The following USP22 variants were observed in gnomAD, a reference collection of about 807,000 sequenced individuals.
USP22 encodes ubiquitin specific peptidase 22, also known as ubiquitin carboxyl-terminal hydrolase 22.
USP22 carries 22 observed loss-of-function variants against 68.1 expected under a neutral mutation model. The observed-to-expected ratio is 0.32, with a 90% CI of 0.23 to 0.46. The LOEUF is 0.46. Ranked by LOEUF, USP22 falls within the 20% of genes least tolerant of loss-of-function variation. The pLI is 1.00. For missense variants in USP22, 433 were observed against 695.8 expected (o/e 0.62, Z 4.25); for synonymous variants, 279 against 274.2 (o/e 1.02, Z -0.17).
intron 8 of USP22, among the ~76,000 whole-genome samples, chr17:21,009,684 C>G (rs1322988805): frequency 1.4e-5 from 2 of 141,408 alleles, no homozygotes; most frequent in African/African-American, 5.0e-5. Flanking sequence ...GCCGGGCATG[C>G]TGGCTCACAC....
At chr17:21,040,556 G>A (rs12946114) in intron 1 of USP22, among the ~76,000 whole-genome samples, 86,846 of 151,992 alleles carry the variant, frequency 0.57, 25,217 homozygotes, top group Middle Eastern at 0.62. Flanking sequence ...TTGAAACTAA[G>A]CAACTGACAT....
chr17:21,015,924 C>G (rs1443674575), intron 5 of USP22, 25 bp from the exon 6 acceptor site: 1 of 1,611,606 alleles, frequency 6.2e-7, no homozygotes, highest in East Asian at 2.2e-5. Flanking sequence ...GGAAGGAAAC[C>G]TTGTCAGGAA....
chr17:21,036,523 G>T (rs972884334), intron 1 of USP22, among the ~76,000 whole-genome samples: 7 of 143,946 alleles, frequency 4.9e-5, no homozygotes, highest in African/African-American at 7.6e-5. Context: ...TACTGTAAGG[G>T]GGGGGGGGGT....
In USP22 at chr17:21,002,870, C is replaced by T; in HGVS notation, c.*161G>A. ...CCCCGTCCGTGTGGTCCATCCCGAC[C>T]CGATGGGTCCCAGGTGCAGAGGGGC... On this transcript the variant is annotated 3_prime_UTR_variant, in exon 13 of 13. Coordinates refer to ENST00000261497, the MANE Select transcript of USP22 (RefSeq NM_015276.2). 1.2e-6 allele frequency: 1 copy of T among 840,872 alleles called. No individual in the cohort carries two copies. The highest frequency in any genetic ancestry group is 1.9e-6 in the Non-Finnish European group (1 of 513,982). The allele number at this position is 840,872 out of a possible 1,614,324, so 52.1% of individuals were successfully genotyped here. A position where few individuals can be genotyped will look rare whatever the true frequency, so the allele number is the denominator to read the frequency against.
At chr17:21,021,465 T>C (rs902133402) in intron 2 of USP22, among the ~76,000 whole-genome samples, 31 of 152,146 alleles carry the variant, frequency 2.0e-4, no homozygotes, top group African/African-American at 7.0e-4. Context: ...AGGCGACCCA[T>C]ACATACTTTT....
Position 21,019,068 on chromosome 17 carries a change from G to T in USP22, c.520+16C>A. The stretch of plus-strand genomic sequence containing the variant: ...GGAAAGAAGCCTAGCTGAGAGTGAC[G>T]ACACGCTCCACCCACCTATGGTGCA... On this transcript the variant is annotated intron_variant, in intron 4 of 12. Transcript: ENST00000261497. 6.2e-7 allele frequency: 1 copy of T among 1,612,972 alleles called. No individual in the cohort carries two copies. Among genetic ancestry groups the T allele is most frequent in the South Asian group, 1.1e-5 (1 of 90,988 alleles).
chr17:21,004,054 T>C, intron 12 of USP22, 148 bp downstream of exon 12: 1 of 1,154,626 alleles, frequency 8.7e-7, no homozygotes, highest in Non-Finnish European at 1.2e-6. Context: ...GAGGCTGGCA[T>C]CCTATCCAGA....
chr17:21,023,996 A>C (rs1597696815), intron 2 of USP22, among the ~76,000 whole-genome samples: 2 of 152,350 alleles, frequency 1.3e-5, no homozygotes, highest in East Asian at 3.9e-4. Flanking sequence ...TATTGTGGTA[A>C]ATCTTTGAAG....
At chr17:21,031,327 A>G (rs956576546) in intron 1 of USP22, among the ~76,000 whole-genome samples, 1 of 152,246 alleles carries the variant, frequency 6.6e-6, no homozygotes, top group African/African-American at 2.4e-5. Flanking sequence ...TAAAGTACAC[A>G]GCAATGAAAA....
chr17:21,024,763 T>C (rs978867437), intron 2 of USP22, among the ~76,000 whole-genome samples: 1 of 152,014 alleles, frequency 6.6e-6, no homozygotes, highest in African/African-American at 2.4e-5. Flanking sequence ...AGCCCAGAGT[T>C]CAAGATAAGC....
rs1424047308 is a variant in USP22, at chr17:21,002,284, G to A, written c.*747C>T. The A allele has an allele frequency of 2.0e-5, 3 of 152,200 alleles. No homozygotes were observed. Among genetic ancestry groups the A allele is most frequent in the African/African-American group, 7.2e-5 (3 of 41,440 alleles). 9.4% of individuals were successfully genotyped at this position (152,200 alleles called of 1,614,324 possible). On this transcript the variant is annotated 3_prime_UTR_variant, in exon 13 of 13. Coordinates refer to ENST00000261497, the MANE Select transcript of USP22 (RefSeq NM_015276.2). ...AAGACTCGCTCTTGAGACTAAAGGA[G>A]AAGTTACCTAAATTTCTGTATAAAC...
chr17:21,012,470 G>A (rs1914000069), intron 7 of USP22, among the ~76,000 whole-genome samples: 1 of 152,090 alleles, frequency 6.6e-6, no homozygotes. Flanking sequence ...GAAGCACGTA[G>A]AAAAACAATC....
chr17:21,026,120 T>C (rs1028119838), intron 2 of USP22, among the ~76,000 whole-genome samples: 2 of 152,144 alleles, frequency 1.3e-5, no homozygotes, highest in South Asian at 2.1e-4. Flanking sequence ...TAGCTGGGCA[T>C]GTTGGTGTGC....
chr17:21,035,427 C>T (rs889375835), intron 1 of USP22, among the ~76,000 whole-genome samples: 1 of 151,884 alleles, frequency 6.6e-6, no homozygotes, highest in Admixed American at 6.6e-5. Context: ...AGCTTCCATC[C>T]GCTTAATACC....
chr17:21,003,931 T>C (rs1456905293), intron 12 of USP22, among the ~76,000 whole-genome samples: 1 of 148,250 alleles, frequency 6.7e-6, no homozygotes, highest in African/African-American at 2.5e-5. Flanking sequence ...AAAGAACTGA[T>C]GTGTTCAGTT....
chr17:21,025,351 T>A (rs956233593), intron 2 of USP22, among the ~76,000 whole-genome samples: 2 of 152,140 alleles, frequency 1.3e-5, no homozygotes, highest in Non-Finnish European at 2.9e-5. Flanking sequence ...ATTATGGGTA[T>A]TAAAAAATAA....
intron 2 of USP22, among the ~76,000 whole-genome samples, chr17:21,026,639 T>TA (rs928803791): frequency 1.2e-4 from 17 of 143,412 alleles, no homozygotes; most frequent in Middle Eastern, 7.1e-3. Context: ...CTCACTTCTT[T>TA]AAAAAAAAAA....
At position 21,003,040 on chromosome 17, in the gene USP22, T is replaced by C; in HGVS notation, c.1569A>G (p.Glu523=). The change falls in exon 13 of 13, where the codon GAA becomes GAG. Residue 523 remains glutamate, a synonymous_variant. Transcript: ENST00000261497. Reference sequence around the variant, plus strand: ...CCAGCTGCAGATAAGGCTACTCGTATTCCAGGAACTGTTTGTGATAGAACA... The same window carrying C: ...CCAGCTGCAGATAAGGCTACTCGTACTCCAGGAACTGTTTGTGATAGAACA... ...YLLFYHKQFL[E]YE 1 of 1,613,934 alleles carries C rather than the reference T, an allele frequency of 6.2e-7. No individual in the cohort carries two copies. The highest frequency in any genetic ancestry group is 8.5e-7 in the Non-Finnish European group (1 of 1,179,924).
chr17:21,013,035 C>G (rs2143549816), intron 6 of USP22, 100 bp from the exon 7 acceptor site: 1 of 1,105,490 alleles, frequency 9.0e-7, no homozygotes. Flanking sequence ...GGAGCCAGGG[C>G]CAACGCTTTA....
Sources: allele counts gnomAD v4.1 joint callset (sites outside exome capture counted in the v4.1 genomes callset), GRCh38; gene constraint gnomAD v4.1.1; transcripts MANE v1.5; gene names NCBI Gene and HGNC (gene_info 2026-07-23, HGNC 2026-07-21).